Variants in GRK1 observed in about 807,000 individuals in gnomAD.
GRK1 encodes the protein G protein-coupled receptor kinase 1.
A neutral mutation model predicts 41.7 loss-of-function variants in GRK1; 28 were observed. The observed-to-expected ratio is 0.67, with a 90% CI of 0.50 to 0.92. The LOEUF is 0.92. GRK1 is among the 40% of genes least tolerant of loss of function. The pLI is 0.00. For missense variants in GRK1, 703 were observed against 671.2 expected (o/e 1.05, Z -0.52); for synonymous variants, 327 against 286.7 (o/e 1.14, Z -1.42).
the GRK1 span, chr13:113,653,505 G>A: frequency 9.2e-6 from 13 of 1,418,746 alleles, no homozygotes; most frequent in Non-Finnish European, 1.3e-5. Context: ...TTCTGAAGTG[G>A]CTGAGGATAC....
chr13:113,736,336 A>C lies in GRK1; in HGVS notation c.*973A>C, dbSNP rs1594584764. ...CATAGGGACAGAGCTCCTTGCTGCA[A>C]CCCCTCTCTGTGTTCCCAGTAGCAG... On this transcript the variant is annotated 3_prime_UTR_variant, in exon 7 of 7. Coordinates refer to ENST00000335678, the MANE Select transcript of GRK1 (RefSeq NM_002929.3). 1 of 152,034 alleles carries C rather than the reference A, an allele frequency of 6.6e-6. No homozygotes were observed. The highest frequency in any genetic ancestry group is 1.9e-4 in the East Asian group (1 of 5,164). 9.4% of individuals were successfully genotyped at this position (152,034 alleles called of 1,614,324 possible).
In GRK1 at chr13:113,667,584, C is replaced by T; in HGVS notation, c.198C>T (p.Pro66=). Residue 66 remains proline, a synonymous_variant, in exon 1 of 7, where the codon CCC becomes CCT. Transcript: ENST00000335678. The surrounding 1 kb of genome is among the most constrained non-coding windows in gnomAD (Gnocchi z 7.5). ...TTGAGAGTGTGTGCTTGGAGCAGCCCATCGGCAAGAAGCTCTTTCAGCAGT... is the reference window on the plus strand; with the variant it reads ...TTGAGAGTGTGTGCTTGGAGCAGCCTATCGGCAAGAAGCTCTTTCAGCAGT... The part of the protein sequence containing the change: ...LEFESVCLEQ[P]IGKKLFQQFL... 6.2e-7 allele frequency: 1 copy of T among 1,613,614 alleles called. No individual in the cohort carries two copies. The highest frequency in any genetic ancestry group is 8.5e-7 in the Non-Finnish European group (1 of 1,179,898).
intron 1 of GRK1, among the ~76,000 whole-genome samples, chr13:113,668,946 C>G (rs555007746): frequency 3.3e-4 from 51 of 152,380 alleles, no homozygotes; most frequent in African/African-American, 1.2e-3. Flanking sequence ...CCTGGAACAT[C>G]TGCGTGTTCT....
chr13:113,728,628 T>C (rs914077778), intron 4 of GRK1, among the ~76,000 whole-genome samples: 1 of 152,022 alleles, frequency 6.6e-6, no homozygotes, highest in Admixed American at 6.5e-5. Flanking sequence ...GGAGGGTCTG[T>C]GGCCATCACT....
the GRK1 span, among the ~76,000 whole-genome samples, chr13:113,660,303 C>A: frequency 6.6e-6 from 1 of 152,148 alleles, no homozygotes; most frequent in Non-Finnish European, 1.5e-5. Context: ...ACAAGGCCAC[C>A]TCCCACTGTG....
rs1342986177 is a variant in GRK1, at chr13:113,733,644, T to C, written c.1396+559T>C. Among the ~76,000 whole-genome samples the C allele has an allele frequency of 5.2e-5, 7 of 135,462 alleles. 1 individual carries two copies. In the East Asian group the frequency reaches 1.3e-3, roughly 25 times the overall value. The allele number at this position is 135,462 out of a possible 152,430, so 88.9% of individuals were successfully genotyped here. A position where few individuals can be genotyped will look rare whatever the true frequency, so the allele number is the denominator to read the frequency against. ...GTGCATACGTGTGTGCTCATGTATG[T>C]GTGCATACGTGTGTGTGCGTGTGTG... On this transcript the variant is annotated intron_variant, in intron 6 of 6. Coordinates refer to ENST00000335678, the MANE Select transcript of GRK1 (RefSeq NM_002929.3).
the GRK1 span, among the ~76,000 whole-genome samples, chr13:113,659,013 C>A: frequency 6.6e-6 from 1 of 152,124 alleles, no homozygotes; most frequent in Non-Finnish European, 1.5e-5. Context: ...CTGGGCAGTA[C>A]CTCGGGGTCA....
chr13:113,672,805 A>T, intron 3 of GRK1, among the ~76,000 whole-genome samples: 5 of 69,310 alleles, frequency 7.2e-5, no homozygotes, highest in South Asian at 7.3e-4. Flanking sequence ...CTCTCTCTTA[A>T]CTCTGTCTTG....
chr13:113,733,679 G>GCT (rs1451883129), intron 6 of GRK1, among the ~76,000 whole-genome samples: 1 of 143,932 alleles, frequency 6.9e-6, no homozygotes, highest in South Asian at 2.2e-4. Context: ...GCACGTGTGT[G>GCT]CATGTATGTG....
intron 4 of GRK1, among the ~76,000 whole-genome samples, chr13:113,728,782 C>T (rs929241165): frequency 5.3e-5 from 8 of 152,162 alleles, no homozygotes; most frequent in South Asian, 2.1e-4. Flanking sequence ...GCTGTGGCCT[C>T]GAACCTCATC....
At position 113,731,482 on chromosome 13, in the gene GRK1, A is replaced by T; in HGVS notation, c.1194+139A>T. ...CCTGGGGTGGGGAGGGCACAGATTC[A>T]CGTGCTGGGGTCTTGCTCCTGGGCC... On this transcript the variant is annotated intron_variant, in intron 5 of 6. Coordinates refer to ENST00000335678, the MANE Select transcript of GRK1 (RefSeq NM_002929.3). The surrounding 1 kb of genome is among the most constrained non-coding windows in gnomAD (Gnocchi z 5.6). The T allele has an allele frequency of 4.0e-6, 5 of 1,252,002 alleles. No homozygotes were observed. Among genetic ancestry groups the T allele is most frequent in the Non-Finnish European group, 5.4e-6 (5 of 920,198 alleles). 77.6% of individuals were successfully genotyped at this position (1,252,002 alleles called of 1,614,324 possible).
At chr13:113,734,553 A>G (rs141480608) in intron 6 of GRK1, 2,348 of 151,606 alleles carry the variant, frequency 0.015, 52 homozygotes, top group African/African-American at 0.054. Flanking sequence ...CACCGAGAGG[A>G]GAGTGATGTC....
Position 113,671,478 on chromosome 13 carries a change from T to C in GRK1, c.828-21T>C. 1 of 778,228 alleles carries C rather than the reference T, an allele frequency of 1.3e-6. No homozygotes were observed. The highest frequency in any genetic ancestry group is 1.3e-5 in the South Asian group (1 of 74,616). The allele number at this position is 778,228 out of a possible 1,614,324, so 48.2% of individuals were successfully genotyped here. A position where few individuals can be genotyped will look rare whatever the true frequency, so the allele number is the denominator to read the frequency against. ...TCCCCATTAAACCCGGGGTGCATGG[T>C]TCCCACGTGTCTTCCCCCAGGTACC... On this transcript the variant is annotated intron_variant, in intron 2 of 6. Transcript: ENST00000335678. This position sits in a 1 kb window ranked among gnomAD's most constrained non-coding sequence, Gnocchi z 4.1.
Position 113,731,350 on chromosome 13 carries a change from G to T in GRK1, c.1194+7G>T. The stretch of plus-strand genomic sequence containing the variant: ...CCGAGCCCGTGGAGAGAAGGTAGGA[G>T]GCGGCCGGCAGGTGTCTCTGCAGCC... On this transcript the variant is annotated splice_region_variant and intron_variant, in intron 5 of 6. Coordinates refer to ENST00000335678, the MANE Select transcript of GRK1 (RefSeq NM_002929.3). This position sits in a 1 kb window ranked among gnomAD's most constrained non-coding sequence, Gnocchi z 5.6. 2 of 1,536,804 alleles carry T rather than the reference G, an allele frequency of 1.3e-6. No individual in the cohort carries two copies. The highest frequency in any genetic ancestry group is 1.7e-6 in the Non-Finnish European group (2 of 1,146,788).
At chr13:113,649,448 C>G in the GRK1 span, 1 of 1,575,950 alleles carries the variant, frequency 6.3e-7, no homozygotes, top group African/African-American at 1.3e-5. This position sits in a 1 kb window ranked among gnomAD's most constrained non-coding sequence, Gnocchi z 4.7. Context: ...GTCACGTGCT[C>G]CGCCATGACC....
chr13:113,734,017 T>TGC (rs1566700621), intron 6 of GRK1, among the ~76,000 whole-genome samples: 3 of 142,928 alleles, frequency 2.1e-5, no homozygotes, highest in Non-Finnish European at 3.0e-5. Context: ...TGCGTGCATG[T>TGC]GTGTGCGTGC....
At position 113,731,427 on chromosome 13, in the gene GRK1, TG is replaced by T; in HGVS notation, c.1194+88del. On this transcript the variant is annotated intron_variant, in intron 5 of 6. Transcript: ENST00000335678. The surrounding 1 kb of genome is among the most constrained non-coding windows in gnomAD (Gnocchi z 5.6). The stretch of plus-strand genomic sequence containing the variant: ...GACGGGGCAGTGATGGGATCGTTAC[TG>T]GGGCAGACCTGGGAGTTGTTCTGTG... 6.6e-7 allele frequency: 1 copy of T among 1,510,300 alleles called. No homozygotes were observed. The highest frequency in any genetic ancestry group is 8.8e-7 in the Non-Finnish European group (1 of 1,130,332). 93.6% of individuals were successfully genotyped at this position (1,510,300 alleles called of 1,614,324 possible). A position where few individuals can be genotyped will look rare whatever the true frequency, so the allele number is the denominator to read the frequency against.
upstream of GRK1, among the ~76,000 whole-genome samples, chr13:113,665,792 TC>T (rs2049814197): frequency 7.2e-6 from 1 of 138,010 alleles, no homozygotes; most frequent in African/African-American, 2.8e-5. Context: ...CCCAGGTGTG[TC>T]TCAGATGGGT....
the GRK1 span, among the ~76,000 whole-genome samples, chr13:113,651,057 CGA>C: frequency 2.2e-4 from 34 of 152,196 alleles, no homozygotes; most frequent in African/African-American, 7.5e-4. Flanking sequence ...CGGCCCCCAC[CGA>C]GAGTGGAGGC....
Sources: gnomAD v4.1 joint callset for allele counts (sites outside exome capture counted in the v4.1 genomes callset) on GRCh38, gnomAD v4.1.1 for gene constraint, Gnocchi (gnomAD v3.1) non-coding constraint, MANE v1.5 for transcripts, NCBI Gene and HGNC (gene_info 2026-07-23, HGNC 2026-07-21) for gene names.